Variants in STAG2 observed in about 807,000 individuals in gnomAD.
STAG2 encodes cohesin subunit SA-2.
In STAG2, 14 loss-of-function variants were observed where a neutral mutation model predicts 108.1. The ratio of observed to expected loss-of-function variants is 0.13; its 90% CI spans 0.09 to 0.20. The LOEUF (loss-of-function observed/expected upper bound fraction) is 0.20. Among genes scored for constraint, STAG2 ranks in the 10% least tolerant of loss-of-function variants. The pLI is 1.00. For missense variants in STAG2, 440 were observed against 940.9 expected, an observed-to-expected ratio of 0.47 and a Z score of 6.96; for synonymous variants, 307 against 302.7, an observed-to-expected ratio of 1.01 and a Z score of -0.15.
intron 25 of STAG2, among the ~76,000 whole-genome samples, chrX:124,075,814 A>G (rs908545809): frequency 8.9e-6 from 1 of 112,005 alleles, no homozygotes; most frequent in Non-Finnish European, 1.9e-5. Flanking sequence ...AAGATTTCAC[A>G]TAATGGATCA....
intron 1 of STAG2, among the ~76,000 whole-genome samples, chrX:123,996,744 TGAG>T (rs2055755172): frequency 8.9e-6 from 1 of 112,288 alleles, no homozygotes; most frequent in South Asian, 3.6e-4. Flanking sequence ...TTTTTATTAC[TGAG>T]TAGTATTCCA....
intron 32 of STAG2, among the ~76,000 whole-genome samples, chrX:124,093,239 A>T (rs781364484): frequency 8.1e-5 from 9 of 111,312 alleles, no homozygotes; most frequent in Non-Finnish European, 1.7e-4. Context: ...ATTTCTAAAT[A>T]TGTCTTAGTT....
chrX:123,969,268 C>A (rs1331729502), intron 1 of STAG2, among the ~76,000 whole-genome samples: 3 of 110,996 alleles, frequency 2.7e-5, no homozygotes, highest in African/African-American at 9.8e-5. Flanking sequence ...TCATGTGATA[C>A]ATGAAATGGT....
At chrX:124,081,842 T>C (rs1257448057) in intron 28 of STAG2, among the ~76,000 whole-genome samples, 2 of 110,612 alleles carry the variant, frequency 1.8e-5, no homozygotes, top group East Asian at 5.7e-4. Flanking sequence ...CTACTAAAAA[T>C]AGAAAAATTA....
At chrX:124,056,731 T>TAA (rs771229412) in intron 14 of STAG2, among the ~76,000 whole-genome samples, 1,372 of 42,127 alleles carry the variant, frequency 0.033, 50 homozygotes, top group African/African-American at 0.049. Flanking sequence ...AGACTCCATC[T>TAA]AAAAAAAAAA....
chrX:124,098,894 T>G, intron 34 of STAG2, among the ~76,000 whole-genome samples: 1 of 111,882 alleles, frequency 8.9e-6, no homozygotes, highest in East Asian at 2.8e-4. Flanking sequence ...GGTTTTATAT[T>G]TGGACACAAA....
intron 6 of STAG2, among the ~76,000 whole-genome samples, chrX:124,041,112 A>G (rs751139311): frequency 9.1e-6 from 1 of 109,323 alleles, no homozygotes; most frequent in South Asian, 3.9e-4. Flanking sequence ...CAGCCTCCCA[A>G]AGTGCTAGGA....
chrX:124,037,762 A>G, intron 6 of STAG2, 139 bp downstream of exon 6: 1 of 228,763 alleles, frequency 4.4e-6, no homozygotes, highest in Admixed American at 7.2e-5. Flanking sequence ...ATTTGTAAGG[A>G]AAAAAGAGCA....
chrX:124,042,114 A>G (rs1404401572), intron 6 of STAG2, among the ~76,000 whole-genome samples: 1 of 111,670 alleles, frequency 9.0e-6, no homozygotes, highest in Non-Finnish European at 1.9e-5. Flanking sequence ...GTTACTTTAC[A>G]TGCAATAGTG....
chrX:124,061,645 T>C, intron 16 of STAG2, 126 bp from the exon 17 acceptor site: 1 of 516,936 alleles, frequency 1.9e-6, no homozygotes. Flanking sequence ...GGATTTTCTT[T>C]AGTACCTTAG....
At chrX:124,088,911 G>GT (rs1263077567) in intron 30 of STAG2, among the ~76,000 whole-genome samples, 2 of 31,483 alleles carry the variant, frequency 6.4e-5, no homozygotes, top group East Asian at 1.4e-3. Context: ...ACTGCGCCTG[G>GT]CCTTTTTTTT....
rs935869969 is a variant in STAG2, at chrX:124,090,920, A to C, written c.3534A>C (p.Ala1178=). The stretch of plus-strand genomic sequence containing the variant: ...AAGCAAGGCAACAGCAGGAGAGAGC[A>C]GCAATGAGCTATGTTAAACTGCGAA... ...QEEARQQQER[A]AMSYVKLRTN... is the part of the protein sequence containing the mutation. Residue 1178 remains alanine, a synonymous_variant, in exon 32 of 35, where the codon GCA becomes GCC. Coordinates refer to ENST00000371145, the MANE Select transcript of STAG2 (RefSeq NM_001042750.2). The C allele has an allele frequency of 1.7e-6, 2 of 1,209,475 alleles. No homozygotes were observed. Among genetic ancestry groups the C allele is most frequent in the Admixed American group, 4.4e-5 (2 of 45,749 alleles).
In STAG2 at chrX:124,090,566, C is replaced by G; in HGVS notation, c.3278-9C>G. ...GTGACTAAACCTCGTCGTTAATTTT[C>G]TTTTCCAGCTGAAGAAAGTAGTAGT... On this transcript the variant is annotated splice_polypyrimidine_tract_variant and intron_variant, in intron 30 of 34. Transcript: ENST00000371145. The G allele has an allele frequency of 3.7e-6, 4 of 1,070,439 alleles. No individual in the cohort carries two copies. The highest frequency in any genetic ancestry group is 3.8e-6 in the Non-Finnish European group (3 of 790,400). The allele number at this position is 1,070,439 out of a possible 1,213,427, so 88.2% of individuals were successfully genotyped here. A position where few individuals can be genotyped will look rare whatever the true frequency, so the allele number is the denominator to read the frequency against.
chrX:123,971,344 G>T (rs1243803697), intron 1 of STAG2, among the ~76,000 whole-genome samples: 1 of 111,973 alleles, frequency 8.9e-6, no homozygotes, highest in Non-Finnish European at 1.9e-5. Context: ...TAGGAGAATT[G>T]CCTGAAGCTG....
chrX:124,068,336 T>C (rs2058589689), intron 23 of STAG2, among the ~76,000 whole-genome samples: 2 of 111,501 alleles, frequency 1.8e-5, no homozygotes, highest in Non-Finnish European at 3.8e-5. Flanking sequence ...TAGGATATTA[T>C]CTATTAATGT....
chrX:124,058,079 T>C, intron 15 of STAG2, 102 bp downstream of exon 15: 1 of 387,930 alleles, frequency 2.6e-6, no homozygotes. Context: ...CACAGTAAAT[T>C]GTGAATAGAA....
At chrX:124,016,623 A>AT (rs752583381) in intron 1 of STAG2, among the ~76,000 whole-genome samples, 8 of 111,057 alleles carry the variant, frequency 7.2e-5, no homozygotes, top group African/African-American at 1.3e-4. Flanking sequence ...CAGGTCAATA[A>AT]TTTTTTCTGT....
intron 15 of STAG2, among the ~76,000 whole-genome samples, chrX:124,058,760 G>T (rs951152025): frequency 1.6e-4 from 18 of 111,841 alleles, no homozygotes; most frequent in African/African-American, 5.5e-4. Flanking sequence ...CCTAAAGTTG[G>T]AAACCTACAA....
At chrX:124,099,521 C>T (rs925547774) in intron 34 of STAG2, among the ~76,000 whole-genome samples, 6 of 111,014 alleles carry the variant, frequency 5.4e-5, no homozygotes, top group Non-Finnish European at 1.1e-4. Flanking sequence ...ATTGGGTGCA[C>T]GAGTCCTCTT....
Sources: gnomAD v4.1 joint callset for allele counts (sites outside exome capture counted in the v4.1 genomes callset) on GRCh38, gnomAD v4.1.1 for gene constraint, MANE v1.5 for transcripts, NCBI Gene and HGNC (gene_info 2026-07-23, HGNC 2026-07-21) for gene names.